The following NDST4 variants were observed in gnomAD, a reference collection of about 807,000 sequenced individuals.
The protein encoded by NDST4 is N-heparan sulfate sulfotransferase 4.
In NDST4, 63 loss-of-function variants were observed where a neutral mutation model predicts 100.8. The observed-to-expected ratio is 0.62, with a 90% CI of 0.51 to 0.77. The LOEUF (loss-of-function observed/expected upper bound fraction) is 0.77. NDST4 is among the 30% of genes least tolerant of loss of function. The pLI, the probability that NDST4 is intolerant of heterozygous loss-of-function variation, is 0.00. For synonymous variants in NDST4, 377 were observed against 361.8 expected (o/e 1.04, Z -0.48); for missense variants, 943 against 1,018.4 (o/e 0.93, Z 1.01).
chr4:114,966,313 G>A (rs1323356218), intron 4 of NDST4, among the ~76,000 whole-genome samples: 3 of 151,926 alleles, frequency 2.0e-5, no homozygotes, highest in East Asian at 1.9e-4. Flanking sequence ...TATGGATGAA[G>A]CAATAACAAT....
chr4:115,055,478 T>C (rs763299397), intron 2 of NDST4, among the ~76,000 whole-genome samples: 2 of 152,054 alleles, frequency 1.3e-5, no homozygotes, highest in Non-Finnish European at 2.9e-5. Context: ...AAACAGGAAG[T>C]TGTATCTTTA....
intron 6 of NDST4, among the ~76,000 whole-genome samples, chr4:114,913,250 A>G (rs1560809299): frequency 6.6e-6 from 1 of 152,080 alleles, no homozygotes; most frequent in Non-Finnish European, 1.5e-5. Context: ...CTGGGATTAA[A>G]GGGCTAATTT....
intron 2 of NDST4, among the ~76,000 whole-genome samples, chr4:115,045,953 C>T (rs1410111200): frequency 6.6e-6 from 1 of 152,032 alleles, no homozygotes; most frequent in African/African-American, 2.4e-5. Flanking sequence ...AGGTGTTCTG[C>T]CTCAATCATA....
At chr4:115,029,457 C>G (rs111656324) in intron 2 of NDST4, among the ~76,000 whole-genome samples, 1 of 152,036 alleles carries the variant, frequency 6.6e-6, no homozygotes, top group Non-Finnish European at 1.5e-5. Context: ...AGATTGGAAC[C>G]AGAAAAAAGT....
chr4:115,012,551 A>G (rs781507958), intron 2 of NDST4, among the ~76,000 whole-genome samples: 4 of 152,040 alleles, frequency 2.6e-5, no homozygotes, highest in Non-Finnish European at 5.9e-5. Context: ...TTTTTACTCC[A>G]TGAATTTTAA....
At chr4:114,918,455 G>A (rs1177764523) in intron 6 of NDST4, among the ~76,000 whole-genome samples, 2 of 151,216 alleles carry the variant, frequency 1.3e-5, no homozygotes, top group Admixed American at 6.6e-5. Flanking sequence ...TGACCAGTTA[G>A]TGGGTGCAGT....
intron 2 of NDST4, among the ~76,000 whole-genome samples, chr4:114,998,620 T>C (rs1727216175): frequency 6.6e-6 from 1 of 152,082 alleles, no homozygotes; most frequent in South Asian, 2.1e-4. Context: ...TGCTCTCAGA[T>C]ACATCATCAA....
intron 2 of NDST4, among the ~76,000 whole-genome samples, chr4:114,979,475 C>CTAA (rs1726717632): frequency 6.6e-6 from 1 of 150,520 alleles, no homozygotes; most frequent in African/African-American, 2.4e-5. Flanking sequence ...AAAGTACATA[C>CTAA]TAATACACAG....
At chr4:114,989,068 CTATT>C (rs1726979886) in intron 2 of NDST4, among the ~76,000 whole-genome samples, 1 of 152,018 alleles carries the variant, frequency 6.6e-6, no homozygotes, top group Non-Finnish European at 1.5e-5. Flanking sequence ...TGACTCAGCC[CTATT>C]TAAAGTCTAA....
At chr4:114,929,156 C>A (rs1055611091) in intron 6 of NDST4, among the ~76,000 whole-genome samples, 1 of 147,384 alleles carries the variant, frequency 6.8e-6, no homozygotes, top group African/African-American at 2.5e-5. Flanking sequence ...ATCTATCTAT[C>A]TATCTATGTA....
chr4:114,887,770 T>C (rs1724510089), intron 6 of NDST4, among the ~76,000 whole-genome samples: 1 of 152,144 alleles, frequency 6.6e-6, no homozygotes, highest in Non-Finnish European at 1.5e-5. Context: ...ACTTAACTTT[T>C]TCACCCTTTA....
intron 6 of NDST4, among the ~76,000 whole-genome samples, chr4:114,909,848 GTTAT>G (rs929856138): frequency 6.6e-6 from 1 of 152,108 alleles, no homozygotes; most frequent in Non-Finnish European, 1.5e-5. Flanking sequence ...AGCAAGATAT[GTTAT>G]TTAAATGCCA....
intron 6 of NDST4, among the ~76,000 whole-genome samples, chr4:114,934,383 C>G (rs181615150): frequency 4.6e-5 from 7 of 151,812 alleles, no homozygotes; most frequent in African/African-American, 1.7e-4. Context: ...AACCCTGTCT[C>G]TTCTAAAAAT....
chr4:114,990,702 C>T (rs1248019985), intron 2 of NDST4, among the ~76,000 whole-genome samples: 1 of 152,070 alleles, frequency 6.6e-6, no homozygotes, highest in African/African-American at 2.4e-5. Flanking sequence ...TAATAACTAA[C>T]ACATCACACA....
At chr4:114,972,439 G>A (rs868157985) in intron 3 of NDST4, among the ~76,000 whole-genome samples, 190 of 152,008 alleles carry the variant, frequency 1.2e-3, no homozygotes, top group African/African-American at 4.0e-3. Flanking sequence ...AAGTAATAAA[G>A]TCCTATAATT....
chr4:114,936,153 T>C (rs1725624475), intron 5 of NDST4, among the ~76,000 whole-genome samples: 1 of 152,176 alleles, frequency 6.6e-6, no homozygotes. Flanking sequence ...CAATGATGTT[T>C]TAGATACAGA....
intron 2 of NDST4, among the ~76,000 whole-genome samples, chr4:115,064,156 A>C (rs1728882414): frequency 6.6e-6 from 1 of 152,044 alleles, no homozygotes; most frequent in Non-Finnish European, 1.5e-5. Flanking sequence ...ACATTGTCAG[A>C]GGCCTTGTTT....
At chr4:114,903,284 C>A (rs917629273) in intron 6 of NDST4, among the ~76,000 whole-genome samples, 8 of 152,014 alleles carry the variant, frequency 5.3e-5, no homozygotes, top group African/African-American at 1.4e-4. Context: ...GATTCTCTGC[C>A]ATATTTCAAA....
chr4:114,873,281 GAAATTTAAGTTAAACCCCTT>G (rs1283211378), intron 6 of NDST4, among the ~76,000 whole-genome samples: 1 of 151,514 alleles, frequency 6.6e-6, no homozygotes, highest in Non-Finnish European at 1.5e-5. Flanking sequence ...TACCTAGGTA[GAAATTTAAGTTAAACCCCTT>G]AAATTTAAGT....
Sources: allele counts gnomAD v4.1 joint callset (sites outside exome capture counted in the v4.1 genomes callset), GRCh38; gene constraint gnomAD v4.1.1; transcripts MANE v1.5; gene names NCBI Gene and HGNC (gene_info 2026-07-23, HGNC 2026-07-21).